CCNL2: variants seen among roughly 807,000 people sequenced by gnomAD.
The protein encoded by CCNL2 is cyclin-L2.
Under a neutral mutation model 59.1 loss-of-function variants are expected in CCNL2, and 28 were observed. That is an observed-to-expected ratio of 0.47 (90% CI 0.35 to 0.65). The LOEUF (loss-of-function observed/expected upper bound fraction) is 0.65. Ranked by LOEUF, CCNL2 falls within the 30% of genes least tolerant of loss-of-function variation. The probability of loss-of-function intolerance (pLI) is 0.00; values close to 1 mark genes in which losing one functional copy is unlikely to be tolerated. For synonymous variants in CCNL2, 342 were observed against 288.6 expected (o/e 1.19, Z -1.88); for missense variants, 714 against 717.4 (o/e 1.00, Z 0.05).
chr1:1,396,790 CCAGGCTGGAGTG>C (rs1256258717), intron 3 of CCNL2, among the ~76,000 whole-genome samples: 1 of 151,104 alleles, frequency 6.6e-6, no homozygotes, highest in Non-Finnish European at 1.5e-5. Context: ...GCTCTGTCGC[CCAGGCTGGAGTG>C]CAGTGGCCCG....
chr1:1,394,310 G>T (rs532235532), intron 4 of CCNL2, among the ~76,000 whole-genome samples: 59 of 152,252 alleles, frequency 3.9e-4, no homozygotes, highest in South Asian at 2.3e-3. Context: ...CACCCACAAC[G>T]CTGGGAGTGA....
rs1236569981 is a variant in CCNL2 at position 1,391,027 on chromosome 1, G to T, written c.660-162C>A. 5.6e-6 allele frequency: 5 copies of T among 897,678 alleles called. No homozygotes were observed. In the African/African-American group the frequency reaches 6.8e-5, roughly 12 times the overall value. 55.6% of individuals were successfully genotyped at this position (897,678 alleles called of 1,614,324 possible). A position where few individuals can be genotyped will look rare whatever the true frequency, so the allele number is the denominator to read the frequency against. ...CCTGTGAATCTCAAGAGTTAATGGA[G>T]AAATATTCTAGCTGCTTTTTCTAAA... On this transcript the variant is annotated intron_variant, in intron 5 of 10. Transcript: ENST00000400809.
intron 5 of CCNL2, chr1:1,393,034 T>G: frequency 6.6e-6 from 4 of 605,712 alleles, no homozygotes; most frequent in Non-Finnish European, 8.8e-6. Flanking sequence ...CCCTCTCCCA[T>G]GGGATGCAAT....
intron 4 of CCNL2, among the ~76,000 whole-genome samples, chr1:1,394,752 G>GAAAAAAA (rs745453245): frequency 7.0e-5 from 3 of 42,812 alleles, no homozygotes; most frequent in Admixed American, 2.6e-4. Flanking sequence ...TCCGTCTCAA[G>GAAAAAAA]AAAAAAAAAA....
chr1:1,399,246 C>A lies in CCNL2; in HGVS notation c.61G>T (p.Gly21Cys), dbSNP rs544184586. 1.9e-6 allele frequency: 3 copies of A among 1,586,790 alleles called. No individual in the cohort carries two copies. The highest frequency in any genetic ancestry group is 8.5e-7 in the Non-Finnish European group (1 of 1,169,600). Residue 21 changes from glycine to cysteine, a missense_variant, in exon 1 of 11, where the codon GGC becomes TGC. Physicochemically the swap from Gly to Cys is radical, Grantham distance 159. This residue lies in a region of CCNL2 where 270 missense variants were observed against 254.9 expected (regional missense o/e 1.06). Coordinates refer to ENST00000400809, the MANE Select transcript of CCNL2 (RefSeq NM_030937.6). Reference protein sequence around the residue: ...AGSAAPAAAAGAPGSGGAPSG... With the variant: ...AGSAAPAAAACAPGSGGAPSG... Reference sequence around the variant, plus strand: ...GGTGCGCCCCCAGATCCCGGGGCGCCGGCCGCTGCCGCGGGAGCTGCCGAC... The same window carrying A: ...GGTGCGCCCCCAGATCCCGGGGCGCAGGCCGCTGCCGCGGGAGCTGCCGAC...
At chr1:1,389,926 T>C (rs1368267136) in intron 8 of CCNL2, among the ~76,000 whole-genome samples, 2 of 152,080 alleles carry the variant, frequency 1.3e-5, no homozygotes, top group African/African-American at 4.8e-5. Context: ...GCCACTGCAC[T>C]CCAGCCTGGG....
intron 3 of CCNL2, among the ~76,000 whole-genome samples, chr1:1,396,349 C>T (rs1329295277): frequency 1.3e-5 from 2 of 149,224 alleles, no homozygotes; most frequent in Non-Finnish European, 3.0e-5. Context: ...TCACTATAAC[C>T]TCCACCTCCC....
rs1474987274 is a variant in CCNL2, at chr1:1,386,874, G to A, written c.*357C>T. ...GGCTTCACGTAATTGAGTATCAGTC[G>A]GGGAGTGGAGAGCGGCTGCCGATAG... On this transcript the variant is annotated 3_prime_UTR_variant, in exon 11 of 11. Transcript: ENST00000400809. 3.2e-5 allele frequency: 8 copies of A among 246,752 alleles called. No homozygotes were observed. In the South Asian group the frequency reaches 4.3e-4, roughly 13 times the overall value. The allele number at this position is 246,752 out of a possible 1,614,324, so 15.3% of individuals were successfully genotyped here. A position where few individuals can be genotyped will look rare whatever the true frequency, so the allele number is the denominator to read the frequency against.
chr1:1,387,729 C>A, intron 10 of CCNL2, 48 bp downstream of exon 10: 1 of 1,524,184 alleles, frequency 6.6e-7, no homozygotes, highest in Non-Finnish European at 9.0e-7. Context: ...CCCCGAGGGA[C>A]AGCCCCACCC....
chr1:1,389,633 G>T (rs1015566165), intron 8 of CCNL2, among the ~76,000 whole-genome samples: 2 of 152,120 alleles, frequency 1.3e-5, no homozygotes, highest in Non-Finnish European at 2.9e-5. Flanking sequence ...GGCCAACATA[G>T]CAAGACCCAG....
rs528402777 is a variant in CCNL2, at chr1:1,386,121, C to CA, written c.*1109dup. ...GCAGCTGATGACAGTGGGGGGCACT[C>CA]AGAGTGCAGGTGCCACCCCCGTGGG... On this transcript the variant is annotated 3_prime_UTR_variant, in exon 11 of 11. Transcript: ENST00000400809. The CA allele has an allele frequency of 6.6e-6, 1 of 152,378 alleles. No homozygotes were observed. The highest frequency in any genetic ancestry group is 2.4e-5 in the African/African-American group (1 of 41,584). 9.4% of individuals were successfully genotyped at this position (152,378 alleles called of 1,614,324 possible).
Position 1,387,827 on chromosome 1 carries a change from A to G in CCNL2, c.1161T>C (p.Arg387=). ...ATGGGGACCTCGAGTAGCTCTGCTC[A>G]CGGCTCCGGCTCCGACTCCGACTCT... ...GRESRSRSRS[R]EQSYSRSPSR... is the part of the protein sequence containing the mutation. Residue 387 remains arginine (R), a synonymous_variant, in exon 10 of 11, where the codon CGT becomes CGC. Transcript: ENST00000400809. 6.2e-7 allele frequency: 1 copy of G among 1,613,602 alleles called. No individual in the cohort carries two copies. The highest frequency in any genetic ancestry group is 1.7e-4 in the Middle Eastern group (1 of 6,060).
chr1:1,388,723 A>T (rs1434690549), intron 8 of CCNL2: 1 of 409,274 alleles, frequency 2.4e-6, no homozygotes, highest in Non-Finnish European at 4.8e-6. Flanking sequence ...GTGATCCCAG[A>T]TAGCGCCACT....
In CCNL2 at chr1:1,395,396, T is replaced by A; in HGVS notation, c.592A>T (p.Lys198Ter). The A allele has an allele frequency of 6.2e-7, 1 of 1,614,158 alleles. No homozygotes were observed. The highest frequency in any genetic ancestry group is 8.5e-7 in the Non-Finnish European group (1 of 1,180,000). Residue 198 changes from lysine (K) to a stop codon, truncating the protein, a stop_gained and splice_region_variant, in exon 4 of 11, where the codon AAG becomes TAG. Transcript: ENST00000400809. LOFTEE classifies it high-confidence loss of function. Reference protein sequence around the residue: ...GFCVHVKHPHKIIVMYLQVLE... With the variant: ...GFCVHVKHPH ...CAGGGCAGGAGCCGCACACCCACCT[T>A]ATGAGGATGCTTCACATGGACGCAG... is the stretch of plus-strand genomic sequence containing the variant.
At chr1:1,398,937 G>C (rs1454068752) in intron 1 of CCNL2, 82 bp downstream of exon 1, 2 of 1,473,574 alleles carry the variant, frequency 1.4e-6, no homozygotes, top group South Asian at 1.4e-5. Flanking sequence ...GGCGGGGGCG[G>C]TGCGGGCCCG....
rs1325179568 is a variant in CCNL2 at position 1,394,681 on chromosome 1, C to T, written c.594+713G>A. Among the ~76,000 whole-genome samples, 4 of 144,594 alleles carry T rather than the reference C, an allele frequency of 2.8e-5. No homozygotes were observed. In the Admixed American group the frequency reaches 2.9e-4, roughly 11 times the overall value. 94.9% of individuals were successfully genotyped at this position (144,594 alleles called of 152,430 possible). On this transcript the variant is annotated intron_variant, in intron 4 of 10. Coordinates refer to ENST00000400809, the MANE Select transcript of CCNL2 (RefSeq NM_030937.6). ...ACAAGAATCACTTGAACCTGGGAGG[C>T]AGAGGTTGCAGTGAGCCAAGATTGC...
chr1:1,395,527 G>C lies in CCNL2; in HGVS notation c.474-13C>G, dbSNP rs1264253076. On this transcript the variant is annotated splice_polypyrimidine_tract_variant and intron_variant, in intron 3 of 10. Transcript: ENST00000400809. The stretch of plus-strand genomic sequence containing the variant: ...AGGCACGGGCTTCCTGCCAGAGAGA[G>C]AGCACAGGGTCTGCACCACAGTCAA... 6.2e-7 allele frequency: 1 copy of C among 1,613,892 alleles called. No homozygotes were observed. Among genetic ancestry groups the C allele is most frequent in the Non-Finnish European group, 8.5e-7 (1 of 1,180,022 alleles).
At chr1:1,388,565 GTCTCTCTC>G (rs70949586) in intron 8 of CCNL2, 343 of 382,540 alleles carry the variant, frequency 9.0e-4, no homozygotes, top group African/African-American at 6.9e-3. Context: ...GTGAGTGTGT[GTCTCTCTC>G]TCTCTCTCTC....
At position 1,398,277 on chromosome 1, in the gene CCNL2, G is replaced by T; in HGVS notation, c.429C>A (p.Asp143Glu). The change falls in exon 3 of 11, where the codon GAC (aspartate) becomes GAA (glutamate). Residue 143 changes from aspartate (D) to glutamate (E), a missense_variant. Asp to Glu is a conservative substitution (Grantham distance 45). This residue lies in a region of CCNL2 where 270 missense variants were observed against 254.9 expected (regional missense o/e 1.06). Transcript: ENST00000400809. ...GAAGGCGGTGAAACACATTGATGAC[G>T]TCCCGTATGCGTCTTGGGGCCTCTT... Reference protein sequence around the residue: ...KIEEAPRRIRDVINVFHRLRQ... With the variant: ...KIEEAPRRIREVINVFHRLRQ... 6.2e-7 allele frequency: 1 copy of T among 1,614,204 alleles called. No homozygotes were observed. The highest frequency in any genetic ancestry group is 8.5e-7 in the Non-Finnish European group (1 of 1,180,044).
Sources: gnomAD v4.1 joint callset for allele counts (sites outside exome capture counted in the v4.1 genomes callset) on GRCh38, gnomAD v4.1.1 for gene constraint, gnomAD v4.1.1 regional missense constraint, MANE v1.5 for transcripts, NCBI Gene and HGNC (gene_info 2026-07-23, HGNC 2026-07-21) for gene names.